Variants in DEFB107B observed in about 807,000 individuals in gnomAD.
The protein encoded by DEFB107B is defensin beta 107B, also known as beta-defensin 107.
intron 1 of DEFB107B, among the ~76,000 whole-genome samples, chr8:7,507,880 T>C (rs1811977440): frequency 6.8e-6 from 1 of 146,668 alleles, no homozygotes; most frequent in East Asian, 2.0e-4. Flanking sequence ...ACCCAGAGGT[T>C]CTATGACTAA....
intron 1 of DEFB107B, among the ~76,000 whole-genome samples, chr8:7,498,027 C>G (rs1256893916): frequency 0.072 from 1,344 of 18,590 alleles, 336 homozygotes; most frequent in African/African-American, 0.13. Flanking sequence ...TCCCGCCAGC[C>G]TCTGAGTTCC....
At chr8:7,496,578 G>A (rs1451533505) in intron 1 of DEFB107B, among the ~76,000 whole-genome samples, 1 of 149,072 alleles carries the variant, frequency 6.7e-6, no homozygotes, top group African/African-American at 2.5e-5. Context: ...GGGATTACAG[G>A]CATGAGCCAC....
At position 7,497,974 on chromosome 8, in the gene DEFB107B, G is replaced by A. The variant is rs1327533288; in HGVS notation, c.70+1971G>A. ...GACACAGAGACAAAGTATAGAGAAA[G>A]AAATAAGGGGACCCGGGGAACCAGC... is the stretch of plus-strand genomic sequence containing the variant. On this transcript the variant is annotated intron_variant, in intron 1 of 1. Transcript: ENST00000355602. Among the ~76,000 whole-genome samples, 13 of 20,730 alleles carry A rather than the reference G, an allele frequency of 6.3e-4. 5 individuals are homozygous for A. Among genetic ancestry groups the A allele is most frequent in the African/African-American group, 1.2e-3 (13 of 11,290 alleles). 13.6% of individuals were successfully genotyped at this position (20,730 alleles called of 152,430 possible).
chr8:7,496,819 T>A (rs1443919833), intron 1 of DEFB107B, among the ~76,000 whole-genome samples: 1 of 111,734 alleles, frequency 8.9e-6, no homozygotes, highest in Non-Finnish European at 1.8e-5. Context: ...TTTTAGACTT[T>A]TTGGCTTTCA....
intron 1 of DEFB107B, among the ~76,000 whole-genome samples, chr8:7,497,626 C>G (rs1244289973): frequency 1.3e-5 from 2 of 151,942 alleles, no homozygotes; most frequent in African/African-American, 2.4e-5. Flanking sequence ...TTGCAGATGT[C>G]AGACAATGCT....
At chr8:7,508,101 G>T (rs1320042034) in intron 1 of DEFB107B, among the ~76,000 whole-genome samples, 7 of 123,726 alleles carry the variant, frequency 5.7e-5, no homozygotes, top group Non-Finnish European at 5.0e-5. Flanking sequence ...GTGTGTGTAT[G>T]TGTGTGCGTG....
chr8:7,497,718 TG>T (rs1262608584), intron 1 of DEFB107B, among the ~76,000 whole-genome samples: 1 of 145,542 alleles, frequency 6.9e-6, no homozygotes, highest in East Asian at 2.1e-4. Flanking sequence ...AGTCTATAGA[TG>T]TGGATGCCTA....
At chr8:7,496,830 C>T (rs1175025424) in intron 1 of DEFB107B, among the ~76,000 whole-genome samples, 1 of 109,346 alleles carries the variant, frequency 9.1e-6, no homozygotes, top group Non-Finnish European at 1.8e-5. Flanking sequence ...TTGGCTTTCA[C>T]ACACTGGTTG....
chr8:7,497,284 G>C (rs1447422414), intron 1 of DEFB107B, among the ~76,000 whole-genome samples: 38 of 152,232 alleles, frequency 2.5e-4, no homozygotes, highest in Non-Finnish European at 4.1e-4. Context: ...GTTGCTTGTA[G>C]TGGTAAATAA....
chr8:7,497,847 A>G, intron 1 of DEFB107B, among the ~76,000 whole-genome samples: 1 of 33,996 alleles, frequency 2.9e-5, no homozygotes, highest in South Asian at 1.1e-3. Context: ...TCAGAGTTAG[A>G]AGTGAATTTA....
At chr8:7,496,584 G>A (rs1458400508) in intron 1 of DEFB107B, among the ~76,000 whole-genome samples, 103 of 147,898 alleles carry the variant, frequency 7.0e-4, no homozygotes, top group African/African-American at 2.4e-3. Flanking sequence ...ACAGGCATGA[G>A]CCACCGCGCC....
chr8:7,496,521 T>C (rs1168208294), intron 1 of DEFB107B, among the ~76,000 whole-genome samples: 194 of 151,938 alleles, frequency 1.3e-3, no homozygotes, highest in East Asian at 2.7e-3. Flanking sequence ...AGGATGGTCT[T>C]GATGTCCTGA....
At chr8:7,497,465 G>A (rs1290256501) in intron 1 of DEFB107B, among the ~76,000 whole-genome samples, 1 of 151,440 alleles carries the variant, frequency 6.6e-6, no homozygotes, top group African/African-American at 2.4e-5. Flanking sequence ...AAGGCTTCCT[G>A]GGAAGTAGTA....
chr8:7,496,443 G>A (rs1351071911), intron 1 of DEFB107B, among the ~76,000 whole-genome samples: 53 of 150,166 alleles, frequency 3.5e-4, no homozygotes, highest in African/African-American at 1.2e-3. Flanking sequence ...GGGACTACAC[G>A]CACCCGCCAC....
At chr8:7,507,756 G>A (rs538059130) in intron 1 of DEFB107B, among the ~76,000 whole-genome samples, 17 of 134,776 alleles carry the variant, frequency 1.3e-4, no homozygotes, top group Non-Finnish European at 2.3e-4. Context: ...TTACATAGAA[G>A]CAGCTCACAT....
chr8:7,500,021 A>G lies in DEFB107B; in HGVS notation c.70+4018A>G, dbSNP rs1396959366. Among the ~76,000 whole-genome samples the G allele has an allele frequency of 6.6e-5, 6 of 90,694 alleles. No individual in the cohort carries two copies. In the East Asian group the frequency reaches 1.3e-3, roughly 19 times the overall value. The allele number at this position is 90,694 out of a possible 152,430, so 59.5% of individuals were successfully genotyped here. A position where few individuals can be genotyped will look rare whatever the true frequency, so the allele number is the denominator to read the frequency against. ...TGTCTAAACTTTCTGTTAAGTCGCT[A>G]TCAACAGCTGGACTCACTTGTGCAC... On this transcript the variant is annotated intron_variant, in intron 1 of 1. Coordinates refer to ENST00000355602, the MANE Select transcript of DEFB107B (RefSeq NM_001040705.2).
At chr8:7,508,329 G>T (rs1029379140) in intron 1 of DEFB107B, among the ~76,000 whole-genome samples, 2 of 134,452 alleles carry the variant, frequency 1.5e-5, no homozygotes, top group African/African-American at 6.3e-5. Flanking sequence ...AATATGTACT[G>T]TTTCTCCCCC....
At position 7,496,491 on chromosome 8, in the gene DEFB107B, G is replaced by A. The variant is rs536026370; in HGVS notation, c.70+488G>A. On this transcript the variant is annotated intron_variant, in intron 1 of 1. Coordinates refer to ENST00000355602, the MANE Select transcript of DEFB107B (RefSeq NM_001040705.2). ...ATTTTTTTGTATTTTTAGTAGAGAC[G>A]GGGTTTCACCGTGTTAGCCAGGATG... Among the ~76,000 whole-genome samples the A allele has an allele frequency of 5.3e-5, 8 of 151,994 alleles. No homozygotes were observed. In the South Asian group the frequency reaches 6.2e-4, roughly 12 times the overall value.
intron 1 of DEFB107B, among the ~76,000 whole-genome samples, chr8:7,496,400 T>C (rs1458210814): frequency 1.1e-3 from 151 of 132,882 alleles, no homozygotes; most frequent in East Asian, 6.4e-3. Flanking sequence ...CCCAGGTTCA[T>C]GCCATTCTCC....
Sources: gnomAD v4.1 joint callset for allele counts (sites outside exome capture counted in the v4.1 genomes callset) on GRCh38, gnomAD v4.1.1 for gene constraint, MANE v1.5 for transcripts, NCBI Gene and HGNC (gene_info 2026-07-23, HGNC 2026-07-21) for gene names.